The following HTR2C variants were observed in gnomAD, a reference collection of about 807,000 sequenced individuals.
The protein encoded by HTR2C is 5-hydroxytryptamine (serotonin) receptor 2C, G protein-coupled.
A neutral mutation model predicts 21.0 loss-of-function variants in HTR2C; 5 were observed. That is an observed-to-expected ratio of 0.24 (90% CI 0.12 to 0.50). HTR2C has a LOEUF of 0.50. Ranked by LOEUF, HTR2C falls within the 20% of genes least tolerant of loss-of-function variation. The pLI is 0.98. For missense variants in HTR2C, 271 were observed against 371.2 expected (o/e 0.73, Z 2.22); for synonymous variants, 150 against 145.3 (o/e 1.03, Z -0.23).
rs1556397868 is a variant in HTR2C, at chrX:114,608,712, AAAAT to A, written c.-146-5095_-146-5092del. 6.3e-5 allele frequency among the ~76,000 whole-genome samples: 7 copies of A among 111,902 alleles called. No individual in the cohort carries two copies. The South Asian group carries it at 2.2e-3, about 35-fold the overall frequency. ...CTATTCAATTTTATTTTAGTATGGC[AAAAT>A]AAATAAAAAGGAAGTCATCCTCCAA... On this transcript the variant is annotated intron_variant, in intron 1 of 5. Coordinates refer to ENST00000276198, the MANE Select transcript of HTR2C (RefSeq NM_000868.4).
At chrX:114,743,752 G>A (rs2069674774) in intron 4 of HTR2C, among the ~76,000 whole-genome samples, 1 of 111,755 alleles carries the variant, frequency 8.9e-6, no homozygotes, top group South Asian at 3.7e-4. Flanking sequence ...GAAAAATTTA[G>A]AGATTCAAGA....
chrX:114,907,177 C>T lies in HTR2C; in HGVS notation c.1139C>T (p.Ser380Phe), dbSNP rs2071382010. The T allele has an allele frequency of 8.3e-7, 1 of 1,211,116 alleles. No individual in the cohort carries two copies. Among genetic ancestry groups the T allele is most frequent in the Non-Finnish European group, 1.1e-6 (1 of 895,051 alleles). Residue 380 changes from serine (S) to phenylalanine (F), a missense_variant, in exon 6 of 6, where the codon TCC (serine) becomes TTC (phenylalanine). Physicochemically the swap from Ser to Phe is radical, Grantham distance 155 (BLOSUM62 -2). Transcript: ENST00000276198. Reference protein sequence around the residue: ...LFNKIYRRAFSNYLRCNYKVE... With the variant: ...LFNKIYRRAFFNYLRCNYKVE... ...AACAAAATTTACCGAAGGGCATTCT[C>T]CAACTATTTGCGTTGCAATTATAAG...
chrX:114,744,899 TTCTATC>T (rs1265498446), intron 4 of HTR2C, among the ~76,000 whole-genome samples: 1 of 112,249 alleles, frequency 8.9e-6, no homozygotes, highest in Admixed American at 9.5e-5. Flanking sequence ...AAAAAATTAT[TTCTATC>T]AATTCAACAA....
chrX:114,596,627 G>A (rs1389859259), intron 1 of HTR2C, among the ~76,000 whole-genome samples: 2 of 111,123 alleles, frequency 1.8e-5, no homozygotes, highest in Non-Finnish European at 3.8e-5. Flanking sequence ...GAGTCTTTGG[G>A]GGGTGATCCC....
intron 4 of HTR2C, among the ~76,000 whole-genome samples, chrX:114,817,651 T>A (rs909538443): frequency 1.3e-4 from 15 of 111,137 alleles, no homozygotes; most frequent in African/African-American, 3.6e-4. Flanking sequence ...CCTACAATCA[T>A]GTTGAAAACC....
intron 4 of HTR2C, among the ~76,000 whole-genome samples, chrX:114,817,417 T>C (rs1344056375): frequency 8.9e-6 from 1 of 111,916 alleles, no homozygotes; most frequent in Non-Finnish European, 1.9e-5. Context: ...GGCTAAGTAC[T>C]TTCAAAATTC....
chrX:114,591,080 C>T (rs1266594680), intron 1 of HTR2C, among the ~76,000 whole-genome samples: 1 of 111,544 alleles, frequency 9.0e-6, no homozygotes, highest in Admixed American at 9.6e-5. Context: ...CGTCATGAAT[C>T]TATTAGTTTT....
chrX:114,612,945 AT>A (rs782524117), intron 1 of HTR2C, among the ~76,000 whole-genome samples: 3,318 of 105,208 alleles, frequency 0.032, 151 homozygotes, highest in African/African-American at 0.11. Flanking sequence ...ATTTTATTTT[AT>A]TTTTTTTTTG....
At chrX:114,649,062 C>T (rs1380467618) in intron 2 of HTR2C, among the ~76,000 whole-genome samples, 2 of 111,866 alleles carry the variant, frequency 1.8e-5, no homozygotes, top group African/African-American at 6.5e-5. Context: ...TCCAAGAGAA[C>T]AGCAGTACAT....
chrX:114,799,042 A>G (rs1556446102), intron 4 of HTR2C, among the ~76,000 whole-genome samples: 1 of 110,093 alleles, frequency 9.1e-6, no homozygotes, highest in Non-Finnish European at 1.9e-5. Context: ...TGATGTTTCC[A>G]GAAAAAAAAA....
At chrX:114,823,383 A>C (rs974583955) in intron 4 of HTR2C, 9 of 338,370 alleles carry the variant, frequency 2.7e-5, no homozygotes, top group Admixed American at 2.5e-4. Flanking sequence ...TTACACAGAG[A>C]AGCATCAATC....
chrX:114,660,848 C>T (rs1556410020), intron 2 of HTR2C, among the ~76,000 whole-genome samples: 1 of 111,731 alleles, frequency 9.0e-6, no homozygotes, highest in Non-Finnish European at 1.9e-5. Flanking sequence ...ATATTTTGAA[C>T]GTTTGTGGCC....
chrX:114,872,542 G>A (rs1336501707), intron 5 of HTR2C, among the ~76,000 whole-genome samples: 2 of 109,583 alleles, frequency 1.8e-5, no homozygotes, highest in Middle Eastern at 4.7e-3. Flanking sequence ...AAAATCCCTC[G>A]TGATTCTTCT....
chrX:114,608,290 C>G (rs1244601740), intron 1 of HTR2C, among the ~76,000 whole-genome samples: 2 of 111,545 alleles, frequency 1.8e-5, no homozygotes, highest in Non-Finnish European at 3.8e-5. Context: ...TCCAATTTGC[C>G]TATTTTAATG....
intron 5 of HTR2C, among the ~76,000 whole-genome samples, chrX:114,850,382 C>T (rs1421084739): frequency 9.0e-6 from 1 of 111,049 alleles, no homozygotes; most frequent in East Asian, 2.8e-4. Context: ...GCGCTCCAGC[C>T]TGGGCAACAG....
At chrX:114,841,740 CAAA>C (rs5903436) in intron 4 of HTR2C, among the ~76,000 whole-genome samples, 26 of 97,986 alleles carry the variant, frequency 2.7e-4, no homozygotes, top group East Asian at 3.2e-4. Context: ...GACTCCGTCT[CAAA>C]AAAAAAAAAA....
chrX:114,867,468 T>C lies in HTR2C; in HGVS notation c.550+19265T>C, dbSNP rs150020657. On this transcript the variant is annotated intron_variant, in intron 5 of 5. Transcript: ENST00000276198. ...CCATTCTGTGGGTTGTTTCTTCACT[T>C]TGTTGATTGTACCCTTTGTTGTGCG... 9.9e-5 allele frequency among the ~76,000 whole-genome samples: 11 copies of C among 111,233 alleles called. No individual in the cohort carries two copies. In the East Asian group the frequency reaches 2.6e-3, roughly 26 times the overall value.
chrX:114,601,793 T>C (rs1268035329), intron 1 of HTR2C, among the ~76,000 whole-genome samples: 1 of 102,128 alleles, frequency 9.8e-6, no homozygotes, highest in Non-Finnish European at 2.0e-5. Flanking sequence ...GCGAAAATTT[T>C]GGGGGGGTGG....
chrX:114,797,405 A>G (rs782742721), intron 4 of HTR2C, among the ~76,000 whole-genome samples: 1 of 111,366 alleles, frequency 9.0e-6, no homozygotes, highest in East Asian at 2.8e-4. Flanking sequence ...ATTTGTCCTG[A>G]GGTAAATTCT....
Sources: allele counts gnomAD v4.1 joint callset (sites outside exome capture counted in the v4.1 genomes callset), GRCh38; gene constraint gnomAD v4.1.1; transcripts MANE v1.5; gene names NCBI Gene and HGNC (gene_info 2026-07-23, HGNC 2026-07-21).